Variants in SHROOM2 observed in about 807,000 individuals in gnomAD.
SHROOM2 encodes shroom family member 2.
A neutral mutation model predicts 75.9 loss-of-function variants in SHROOM2; 33 were observed. The ratio of observed to expected loss-of-function variants is 0.43; its 90% confidence interval spans 0.33 to 0.58. SHROOM2 has a LOEUF of 0.58. Among genes scored for constraint, SHROOM2 ranks in the 20% least tolerant of loss-of-function variants. The probability of loss-of-function intolerance (pLI) is 0.04; values close to 1 mark genes in which losing one functional copy is unlikely to be tolerated. For synonymous variants in SHROOM2, 655 were observed against 663.6 expected (o/e 0.99, Z 0.20); for missense variants, 1,434 against 1,461.2 (o/e 0.98, Z 0.30).
chrX:9,927,460 C>G (rs1225128124), intron 5 of SHROOM2, among the ~76,000 whole-genome samples: 5 of 107,526 alleles, frequency 4.7e-5, no homozygotes, highest in Admixed American at 4.1e-4. Context: ...TCCCATCCTC[C>G]TTGCTAAAGA....
chrX:9,924,678 C>G (rs1020447651), intron 5 of SHROOM2, among the ~76,000 whole-genome samples: 2 of 105,614 alleles, frequency 1.9e-5, no homozygotes, highest in African/African-American at 7.2e-5. Flanking sequence ...TTTTTAGAGA[C>G]AGGGTCTCCC....
intron 5 of SHROOM2, among the ~76,000 whole-genome samples, chrX:9,905,887 C>T (rs953361269): frequency 2.7e-5 from 3 of 111,616 alleles, no homozygotes; most frequent in Non-Finnish European, 3.8e-5. Context: ...ACCGTGCCAG[C>T]AGAGCTCTGT....
intron 2 of SHROOM2, among the ~76,000 whole-genome samples, chrX:9,890,271 G>A (rs1467957748): frequency 2.7e-5 from 3 of 112,433 alleles, no homozygotes; most frequent in African/African-American, 9.7e-5. Context: ...GGAGGCTAAG[G>A]CAGGAGAATC....
intron 6 of SHROOM2, among the ~76,000 whole-genome samples, chrX:9,935,437 C>T (rs1345479218): frequency 1.8e-5 from 2 of 111,028 alleles, no homozygotes; most frequent in African/African-American, 6.6e-5. Flanking sequence ...ACCTTAGCCT[C>T]CCACAGTGCT....
chrX:9,873,683 A>C lies in SHROOM2; in HGVS notation c.197A>C (p.Asp66Ala). The C allele has an allele frequency of 8.3e-7, 1 of 1,211,735 alleles. No individual in the cohort carries two copies. The highest frequency in any genetic ancestry group is 1.1e-6 in the Non-Finnish European group (1 of 895,406). Residue 66 changes from aspartate to alanine, a missense_variant, in exon 2 of 10, where the codon GAC (aspartate) becomes GCC (alanine). Coordinates refer to ENST00000380913, the MANE Select transcript of SHROOM2 (RefSeq NM_001649.4). ...IEEGSKAAAV[D>A]KLLAGDEIVG... The stretch of plus-strand genomic sequence containing the variant: ...GAGGGCAGTAAAGCCGCGGCGGTCG[A>C]CAAGTTACTGGCTGGAGATGAGATC...
In SHROOM2 at chrX:9,891,057, C is replaced by T. The variant is rs767060697; in HGVS notation, c.398C>T (p.Pro133Leu). The T allele has an allele frequency of 1.7e-6, 2 of 1,201,909 alleles. No homozygotes were observed. Among genetic ancestry groups the T allele is most frequent in the African/African-American group, 1.7e-5 (1 of 57,175 alleles). Residue 133 changes from proline (P) to leucine (L), a missense_variant, in exon 3 of 10, where the codon CCA becomes CTA. Transcript: ENST00000380913. ...SDSHPELAAS[P>L]FTSTSGCPSW... ...AGCCACCCCGAGCTAGCGGCCTCCCCATTCACCTCCACCAGCGGCTGTCCT... is the reference window on the plus strand; with the variant it reads ...AGCCACCCCGAGCTAGCGGCCTCCCTATTCACCTCCACCAGCGGCTGTCCT...
chrX:9,788,911 G>A (rs2083631871), intron 1 of SHROOM2, among the ~76,000 whole-genome samples: 2 of 110,631 alleles, frequency 1.8e-5, no homozygotes, highest in Admixed American at 1.9e-4. Context: ...TCCTCTGGGG[G>A]CAAAATTAGC....
At position 9,924,913 on chromosome X, in the gene SHROOM2, C is replaced by T. The variant is rs1157814066; in HGVS notation, c.2892-7262C>T. 9.9e-5 allele frequency among the ~76,000 whole-genome samples: 11 copies of T among 111,357 alleles called. No homozygotes were observed. The Admixed American group carries it at 1.1e-3, about 11-fold the overall frequency. Reference sequence around the variant, plus strand: ...TCTTGAATTCCTCCCACCTCGGCCTCCCACAGCACTGGGATTATAGGTGTG... The same window carrying T: ...TCTTGAATTCCTCCCACCTCGGCCTTCCACAGCACTGGGATTATAGGTGTG... On this transcript the variant is annotated intron_variant, in intron 5 of 9. Coordinates refer to ENST00000380913, the MANE Select transcript of SHROOM2 (RefSeq NM_001649.4).
chrX:9,936,242 G>C (rs776999546), intron 6 of SHROOM2, among the ~76,000 whole-genome samples: 15 of 110,024 alleles, frequency 1.4e-4, no homozygotes, highest in African/African-American at 3.3e-4. Flanking sequence ...TTCCCGAGTA[G>C]GTGGGATTAC....
chrX:9,927,572 A>T (rs2084607902), intron 5 of SHROOM2, among the ~76,000 whole-genome samples: 1 of 111,209 alleles, frequency 9.0e-6, no homozygotes. Context: ...AGGTCCTTTC[A>T]CGGAGAACTT....
At chrX:9,797,706 C>T (rs2083702618) in intron 1 of SHROOM2, among the ~76,000 whole-genome samples, 1 of 112,158 alleles carries the variant, frequency 8.9e-6, no homozygotes, top group African/African-American at 3.2e-5. Flanking sequence ...CCTTCTCCTC[C>T]CCGGGGATGA....
At chrX:9,810,515 C>T (rs1031372073) in intron 1 of SHROOM2, among the ~76,000 whole-genome samples, 1 of 111,070 alleles carries the variant, frequency 9.0e-6, no homozygotes, top group Non-Finnish European at 1.9e-5. Flanking sequence ...CCAAAGCACC[C>T]AGGTGGCAAT....
chrX:9,823,162 CTTT>C (rs1456069330), intron 1 of SHROOM2, among the ~76,000 whole-genome samples: 79 of 45,933 alleles, frequency 1.7e-3, no homozygotes, highest in East Asian at 3.3e-3. Context: ...CCTTCTTCTT[CTTT>C]TCTTCTTCTT....
chrX:9,823,252 T>G (rs1328387398), intron 1 of SHROOM2, among the ~76,000 whole-genome samples: 1 of 105,915 alleles, frequency 9.4e-6, no homozygotes, highest in African/African-American at 3.5e-5. Flanking sequence ...TTCTTCTTCT[T>G]CATATTTTTA....
intron 5 of SHROOM2, among the ~76,000 whole-genome samples, chrX:9,915,325 T>C (rs144155895): frequency 0.017 from 1,828 of 110,761 alleles, 56 homozygotes; most frequent in African/African-American, 0.057. Flanking sequence ...GCCGTCATTA[T>C]TTCCAGGAAC....
chrX:9,786,484 T>A lies in SHROOM2; in HGVS notation c.-62T>A. On this transcript the variant is annotated 5_prime_UTR_variant, in exon 1 of 10. Coordinates refer to ENST00000380913, the MANE Select transcript of SHROOM2 (RefSeq NM_001649.4). ...GCGGCGCTCGGAGCCTCCCTTGCGA[T>A]CCCACGGCCGGGACTGCCCGGAGTG... 1 of 812,015 alleles carries A rather than the reference T, an allele frequency of 1.2e-6. No individual in the cohort carries two copies. The highest frequency in any genetic ancestry group is 2.2e-5 in the African/African-American group (1 of 45,910). 66.9% of individuals were successfully genotyped at this position (812,015 alleles called of 1,213,427 possible). A position where few individuals can be genotyped will look rare whatever the true frequency, so the allele number is the denominator to read the frequency against.
At chrX:9,833,762 G>A (rs2083929090) in intron 1 of SHROOM2, among the ~76,000 whole-genome samples, 2 of 111,154 alleles carry the variant, frequency 1.8e-5, no homozygotes, top group Non-Finnish European at 3.8e-5. Context: ...GAGAGGGACT[G>A]CATTAACTCC....
intron 1 of SHROOM2, among the ~76,000 whole-genome samples, chrX:9,866,614 G>A (rs867415427): frequency 3.6e-5 from 4 of 111,057 alleles, no homozygotes; most frequent in Non-Finnish European, 7.5e-5. Context: ...TGTAGGGGTA[G>A]TGCCCATCAG....
intron 2 of SHROOM2, among the ~76,000 whole-genome samples, chrX:9,875,396 C>G (rs1159438853): frequency 9.0e-6 from 1 of 111,052 alleles, no homozygotes; most frequent in African/African-American, 3.3e-5. Context: ...GAAGCTTGTT[C>G]TGCAGAGGTA....
Sources: allele counts gnomAD v4.1 joint callset (sites outside exome capture counted in the v4.1 genomes callset), GRCh38; gene constraint gnomAD v4.1.1; transcripts MANE v1.5; gene names NCBI Gene and HGNC (gene_info 2026-07-23, HGNC 2026-07-21).